MDN1: variants seen among roughly 807,000 people sequenced by gnomAD.
MDN1 encodes the protein midasin AAA ATPase 1.
Under a neutral mutation model 669.2 loss-of-function variants are expected in MDN1, and 266 were observed. The ratio of observed to expected loss-of-function variants is 0.40; its 90% CI spans 0.36 to 0.44. The LOEUF (loss-of-function observed/expected upper bound fraction) is 0.44. MDN1 is among the 20% of genes least tolerant of loss of function. The pLI, the probability that MDN1 is intolerant of heterozygous loss-of-function variation, is 1.00. For missense variants in MDN1, 5,940 were observed against 6,754.0 expected (o/e 0.88, Z 4.22); for synonymous variants, 2,385 against 2,457.1 (o/e 0.97, Z 0.87).
chr6:89,682,172 A>G (rs890317066), intron 73 of MDN1, among the ~76,000 whole-genome samples: 4 of 152,254 alleles, frequency 2.6e-5, no homozygotes, highest in Non-Finnish European at 4.4e-5. Context: ...AAACCAGCAC[A>G]TCACGGCACA....
chr6:89,648,253 T>A lies in MDN1; in HGVS notation c.16280+3A>T. On this transcript the variant is annotated splice_donor_region_variant and intron_variant, in intron 98 of 101. Transcript: ENST00000369393. The stretch of plus-strand genomic sequence containing the variant: ...TCATAAAGGAATTACAAAGCAACCT[T>A]ACCTACACACTGCAATCTGACCCAC... The A allele has an allele frequency of 6.2e-7, 1 of 1,613,836 alleles. No homozygotes were observed. The highest frequency in any genetic ancestry group is 8.5e-7 in the Non-Finnish European group (1 of 1,179,742).
intron 1 of MDN1, among the ~76,000 whole-genome samples, chr6:89,811,554 T>C (rs1006427218): frequency 2.0e-5 from 3 of 152,076 alleles, no homozygotes; most frequent in African/African-American, 7.2e-5. Context: ...CAACCAATTC[T>C]CCTGCCACAG....
At chr6:89,666,704 A>T (rs1422051657) in intron 84 of MDN1, among the ~76,000 whole-genome samples, 1 of 152,126 alleles carries the variant, frequency 6.6e-6, no homozygotes, top group Non-Finnish European at 1.5e-5. Context: ...CCAACTACTC[A>T]AGAGGCTAAT....
chr6:89,760,655 T>C (rs1817495128), intron 17 of MDN1, among the ~76,000 whole-genome samples: 4 of 152,100 alleles, frequency 2.6e-5, no homozygotes, highest in Admixed American at 2.6e-4. Flanking sequence ...TGGAATCTTA[T>C]TTGGCTTGAA....
At chr6:89,759,794 C>T (rs900043299) in intron 17 of MDN1, among the ~76,000 whole-genome samples, 3 of 149,844 alleles carry the variant, frequency 2.0e-5, no homozygotes, top group Admixed American at 6.7e-5. Flanking sequence ...TTCTGGGGCC[C>T]GGGGCAATGG....
At position 89,758,957 on chromosome 6, in the gene MDN1, T is replaced by A. The variant is rs753638815; in HGVS notation, c.2464A>T (p.Thr822Ser). ...NTLLFAFVEG[T>S]LAQAVKKGEW... is the part of the protein sequence containing the mutation. ...CCTTTCTTTACAGCCTGAGCTAATG[T>A]ACCCTAGAAAAAGATAAAATAAAAT... Residue 822 changes from threonine (T) to serine (S), a missense_variant, in exon 18 of 102, where the codon ACA becomes TCA. By Grantham distance (58) the Thr-to-Ser change is moderately conservative (BLOSUM62 1). Coordinates refer to ENST00000369393, the MANE Select transcript of MDN1 (RefSeq NM_014611.3). 1 of 1,613,084 alleles carries A rather than the reference T, an allele frequency of 6.2e-7. No homozygotes were observed. The highest frequency in any genetic ancestry group is 8.5e-7 in the Non-Finnish European group (1 of 1,179,232).
Position 89,710,681 on chromosome 6 carries a change from C to A in MDN1, c.7765G>T (p.Asp2589Tyr). 2 of 1,538,032 alleles carry A rather than the reference C, an allele frequency of 1.3e-6. No homozygotes were observed. The highest frequency in any genetic ancestry group is 1.8e-6 in the Non-Finnish European group (2 of 1,134,786). Residue 2589 changes from aspartate (D) to tyrosine (Y), a missense_variant and splice_region_variant, in exon 50 of 102, where the codon GAT (aspartate) becomes TAT (tyrosine). Physicochemically the swap from Asp to Tyr is radical, Grantham distance 160. This residue lies in a region of MDN1 where 2,292 missense variants were observed against 2,638.3 expected (regional missense o/e 0.87). Coordinates refer to ENST00000369393, the MANE Select transcript of MDN1 (RefSeq NM_014611.3). ...VFKILQPNTT[D>Y]EFVIPLDPRW... ...AGAGCTAGAAATCAAAAGTGCATAC[C>A]TGTTGTATTTGGTTGTAATATTTTG...
At chr6:89,709,492 T>C (rs190599451) in intron 50 of MDN1, among the ~76,000 whole-genome samples, 8 of 152,336 alleles carry the variant, frequency 5.3e-5, no homozygotes, top group Admixed American at 5.2e-4. Context: ...TTTGTAAAAG[T>C]TACAATCCTC....
Position 89,695,709 on chromosome 6 carries a change from G to A in MDN1, c.9667C>T (p.Leu3223Phe). The A allele has an allele frequency of 1.2e-6, 2 of 1,613,770 alleles. No individual in the cohort carries two copies. The change falls in exon 61 of 102, where the codon CTC becomes TTC. Residue 3223 changes from leucine to phenylalanine, a missense_variant. Leu to Phe is a conservative substitution (Grantham distance 22). Coordinates refer to ENST00000369393, the MANE Select transcript of MDN1 (RefSeq NM_014611.3). This position sits in a 1 kb window ranked among gnomAD's most constrained non-coding sequence, Gnocchi z 4.1. Reference sequence around the variant, plus strand: ...TGGAGCAAGCCGAGGCTCACCCAGAGGCTCCCACGCTGGGCTGGCTCAGGC... The same window carrying A: ...TGGAGCAAGCCGAGGCTCACCCAGAAGCTCCCACGCTGGGCTGGCTCAGGC... ...SLPEPAQRGS[L>F]WVSLGLLQIQ...
chr6:89,764,883 C>T (rs9362678), intron 15 of MDN1, among the ~76,000 whole-genome samples: 27,597 of 152,096 alleles, frequency 0.18, 2,553 homozygotes, highest in East Asian at 0.22. Flanking sequence ...CCTAAATGGA[C>T]TGAGAAGTTC....
chr6:89,720,076 C>T (rs1403080020), intron 40 of MDN1, among the ~76,000 whole-genome samples: 1 of 151,984 alleles, frequency 6.6e-6, no homozygotes, highest in East Asian at 1.9e-4. Context: ...AGCAGCAATA[C>T]TTACATAATT....
rs781322825 is a variant in MDN1, at chr6:89,706,201, C to T, written c.8015-9G>A. 5.6e-6 allele frequency: 9 copies of T among 1,602,614 alleles called. No homozygotes were observed. In the Admixed American group the frequency reaches 1.6e-4, roughly 28 times the overall value. On this transcript the variant is annotated splice_polypyrimidine_tract_variant and intron_variant, in intron 52 of 101. Coordinates refer to ENST00000369393, the MANE Select transcript of MDN1 (RefSeq NM_014611.3). Reference sequence around the variant, plus strand: ...GTGATAGCTTTCTGGATCTGAGAGTCAACATAAATAAAATGAGAACATTTC... The same window carrying T: ...GTGATAGCTTTCTGGATCTGAGAGTTAACATAAATAAAATGAGAACATTTC...
chr6:89,751,361 G>A (rs765555947), intron 23 of MDN1, 70 bp downstream of exon 23: 7 of 1,575,424 alleles, frequency 4.4e-6, no homozygotes, highest in South Asian at 2.3e-5. Context: ...AGTTAAGGAA[G>A]TTAGACCAAA....
At position 89,674,572 on chromosome 6, in the gene MDN1, A is replaced by C. The variant is rs1811057457; in HGVS notation, c.12779T>G (p.Val4260Gly). 1.9e-6 allele frequency: 3 copies of C among 1,579,508 alleles called. No homozygotes were observed. The highest frequency in any genetic ancestry group is 1.7e-5 in the Admixed American group (1 of 57,992). ...CATCAGCCTGCTGTGAATCTCTTGCACACAGCTGAGGAGGTTCCTGTACAG... is the reference window on the plus strand; with the variant it reads ...CATCAGCCTGCTGTGAATCTCTTGCCCACAGCTGAGGAGGTTCCTGTACAG... ...WIILRNLLSC[V>G]QEIHSRLMGP... The change falls in exon 79 of 102, where the codon GTG (valine) becomes GGG (glycine). Residue 4260 changes from valine (V) to glycine (G), a missense_variant. Physicochemically the swap from Val to Gly is moderately radical, Grantham distance 109. This residue lies in a region of MDN1 where 2,280 missense variants were observed against 2,576.3 expected (regional missense o/e 0.88). Coordinates refer to ENST00000369393, the MANE Select transcript of MDN1 (RefSeq NM_014611.3).
At position 89,714,627 on chromosome 6, in the gene MDN1, G is replaced by C. The variant is rs895573382; in HGVS notation, c.6985C>G (p.Leu2329Val). Reference sequence around the variant, plus strand: ...CCCACCAATCCAAGGCTGTGCAGCAGAACTTTCAAATCCAGGTTGTCTGGG... The same window carrying C: ...CCCACCAATCCAAGGCTGTGCAGCACAACTTTCAAATCCAGGTTGTCTGGG... ...STPDNLDLKV[L>V]LHSLGLVGNS... Residue 2329 changes from leucine (L) to valine (V), a missense_variant, in exon 46 of 102, where the codon CTG (leucine) becomes GTG (valine). Physicochemically the swap from Leu to Val is conservative, Grantham distance 32. Coordinates refer to ENST00000369393, the MANE Select transcript of MDN1 (RefSeq NM_014611.3). 6.2e-7 allele frequency: 1 copy of C among 1,614,112 alleles called. No individual in the cohort carries two copies. The highest frequency in any genetic ancestry group is 1.1e-5 in the South Asian group (1 of 91,072).
intron 5 of MDN1, 27 bp downstream of exon 5, chr6:89,793,735 A>T: frequency 3.8e-6 from 6 of 1,579,538 alleles, no homozygotes; most frequent in Non-Finnish European, 5.2e-6. Context: ...GGGGAAGGGG[A>T]CACACCCCCT....
At chr6:89,732,954 T>C (rs1310595055) in intron 33 of MDN1, among the ~76,000 whole-genome samples, 179 bp from the exon 34 acceptor site, 2 of 152,100 alleles carry the variant, frequency 1.3e-5, no homozygotes, top group Admixed American at 6.5e-5. Flanking sequence ...TTGATCAAAT[T>C]CTGAAAGGAT....
chr6:89,692,456 C>T lies in MDN1; in HGVS notation c.10574G>A (p.Arg3525Lys). 2.5e-6 allele frequency: 4 copies of T among 1,611,052 alleles called. No individual in the cohort carries two copies. Among genetic ancestry groups the T allele is most frequent in the Non-Finnish European group, 3.4e-6 (4 of 1,178,372 alleles). ...ELDQRALQLF[R>K]HVCQEIISEW... The stretch of plus-strand genomic sequence containing the variant: ...GAGATGGCTCACCTGACACACATGT[C>T]TGAAGAGCTGCAGGGCCCTCTGGTC... Residue 3525 changes from arginine (R) to lysine (K), a missense_variant, in exon 63 of 102, where the codon AGA (arginine) becomes AAA (lysine). This residue lies in a region of MDN1 where 2,280 missense variants were observed against 2,576.3 expected (regional missense o/e 0.88). Transcript: ENST00000369393.
At chr6:89,645,738 T>G (rs1401403382) in intron 100 of MDN1, among the ~76,000 whole-genome samples, 1 of 152,230 alleles carries the variant, frequency 6.6e-6, no homozygotes, top group Non-Finnish European at 1.5e-5. Context: ...TTTTGCTACA[T>G]AGTGTTTCCA....
Sources: gnomAD v4.1 joint callset for allele counts (sites outside exome capture counted in the v4.1 genomes callset) on GRCh38, gnomAD v4.1.1 for gene constraint, gnomAD v4.1.1 regional missense constraint, Gnocchi (gnomAD v3.1) non-coding constraint, MANE v1.5 for transcripts, NCBI Gene and HGNC (gene_info 2026-07-23, HGNC 2026-07-21) for gene names.